The following RTF1 variants were observed in gnomAD, a reference collection of about 807,000 sequenced individuals.
The protein encoded by RTF1 is RNA polymerase-associated protein RTF1 homolog.
In RTF1, 10 loss-of-function variants were observed where a neutral mutation model predicts 95.7. That is an observed-to-expected ratio of 0.10 (90% confidence interval 0.06 to 0.18). The LOEUF (loss-of-function observed/expected upper bound fraction) is 0.18. Ranked by LOEUF, RTF1 falls within the 10% of genes least tolerant of loss-of-function variation. RTF1 has a pLI of 1.00. For synonymous variants in RTF1, 305 were observed against 311.8 expected (o/e 0.98, Z 0.23); for missense variants, 458 against 875.6 (o/e 0.52, Z 6.02).
At chr15:41,436,521 G>A (rs1018944035) in intron 1 of RTF1, among the ~76,000 whole-genome samples, 9 of 151,606 alleles carry the variant, frequency 5.9e-5, no homozygotes, top group African/African-American at 2.2e-4. Flanking sequence ...CCACTTGGGA[G>A]GTTGAGGCAG....
chr15:41,449,493 A>C (rs2050779995), intron 2 of RTF1, among the ~76,000 whole-genome samples: 1 of 151,990 alleles, frequency 6.6e-6, no homozygotes, highest in South Asian at 2.1e-4. Context: ...GCAGCAGGTG[A>C]TTTTTTAAAT....
chr15:41,449,533 G>A (rs951974108), intron 2 of RTF1, among the ~76,000 whole-genome samples: 2 of 151,984 alleles, frequency 1.3e-5, no homozygotes, highest in African/African-American at 4.8e-5. Context: ...AATAGAGGTG[G>A]GGTCTTGCTA....
chr15:41,433,015 GGCTGAGGTGGGCA>G (rs2050683292), intron 1 of RTF1, among the ~76,000 whole-genome samples: 1 of 152,106 alleles, frequency 6.6e-6, no homozygotes, highest in Admixed American at 6.6e-5. Context: ...CACTTTGGGA[GGCTGAGGTGGGCA>G]GATCATCAGG....
At chr15:41,460,185 C>T (rs966313447) in intron 4 of RTF1, among the ~76,000 whole-genome samples, 43 of 150,722 alleles carry the variant, frequency 2.9e-4, no homozygotes, top group African/African-American at 1.0e-3. Flanking sequence ...TGCAATGGCA[C>T]GATCTCGGCT....
intron 2 of RTF1, among the ~76,000 whole-genome samples, chr15:41,441,813 T>G (rs1332856223): frequency 6.6e-6 from 1 of 152,124 alleles, no homozygotes; most frequent in African/African-American, 2.4e-5. Context: ...CTCCAGGCCC[T>G]CAGGCTTATT....
chr15:41,462,634 T>C (rs1350705731), intron 4 of RTF1, among the ~76,000 whole-genome samples: 1 of 152,186 alleles, frequency 6.6e-6, no homozygotes, highest in East Asian at 1.9e-4. Flanking sequence ...TGTGCAATCA[T>C]CACCACAATT....
intron 2 of RTF1, among the ~76,000 whole-genome samples, chr15:41,441,290 A>G (rs2050734662): frequency 6.6e-6 from 1 of 151,926 alleles, no homozygotes; most frequent in Non-Finnish European, 1.5e-5. Flanking sequence ...CTATTCTTAT[A>G]GCTACTTTTA....
intron 1 of RTF1, among the ~76,000 whole-genome samples, chr15:41,422,475 A>G (rs1007205657): frequency 6.6e-6 from 1 of 152,152 alleles, no homozygotes; most frequent in Admixed American, 6.6e-5. Context: ...TCTGGGCTCT[A>G]TGTCATCTCC....
chr15:41,419,386 A>G (rs1369224695), intron 1 of RTF1, among the ~76,000 whole-genome samples: 1 of 152,222 alleles, frequency 6.6e-6, no homozygotes, highest in Admixed American at 6.5e-5. Flanking sequence ...GGAGGTTGAA[A>G]AAGTTAAATA....
Position 41,479,218 on chromosome 15 carries a change from G to A in RTF1, c.1914+20G>A, listed in dbSNP as rs1309943812. On this transcript the variant is annotated intron_variant, in intron 16 of 17. Transcript: ENST00000389629. ...AGCAAGGCAAGTGTGGTACCACCCT[G>A]TTGCCTGCTGAGTGAGGCTGCTGGC... is the stretch of plus-strand genomic sequence containing the variant. 1 of 1,537,150 alleles carries A rather than the reference G, an allele frequency of 6.5e-7. No individual in the cohort carries two copies. The highest frequency in any genetic ancestry group is 1.7e-5 in the Admixed American group (1 of 59,168).
rs143688263 is a variant in RTF1 at position 41,432,321 on chromosome 15, C to T, written c.199-6000C>T. ...CACGCCATTCTCCCACCTCAGCCTC[C>T]GGAGTACCTGGGACTACAGGCGCTC... On this transcript the variant is annotated intron_variant, in intron 1 of 17. Coordinates refer to ENST00000389629, the MANE Select transcript of RTF1 (RefSeq NM_015138.5). 4.2e-3 allele frequency among the ~76,000 whole-genome samples: 637 copies of T among 151,490 alleles called. 6 individuals carry two copies. Among genetic ancestry groups the T allele is most frequent in the African/African-American group, 0.014 (593 of 41,324 alleles).
chr15:41,465,547 A>C (rs528928602), intron 5 of RTF1, among the ~76,000 whole-genome samples: 1 of 152,192 alleles, frequency 6.6e-6, no homozygotes, highest in Non-Finnish European at 1.5e-5. Context: ...GGGCTGAGGC[A>C]CAAGAATTGC....
rs2050939308 is a variant in RTF1, at chr15:41,475,829, C to G, written c.1482+10C>G. 1 of 1,424,340 alleles carries G rather than the reference C, an allele frequency of 7.0e-7. No individual in the cohort carries two copies. The highest frequency in any genetic ancestry group is 1.4e-5 in the African/African-American group (1 of 69,696). The allele number at this position is 1,424,340 out of a possible 1,614,324, so 88.2% of individuals were successfully genotyped here. On this transcript the variant is annotated intron_variant, in intron 11 of 17. Coordinates refer to ENST00000389629, the MANE Select transcript of RTF1 (RefSeq NM_015138.5). ...TCAGGACATTGAAGAGGTAAGAAAACTGGTGCCCCAGAACCCGGAGGTTCA... is the reference window on the plus strand; with the variant it reads ...TCAGGACATTGAAGAGGTAAGAAAAGTGGTGCCCCAGAACCCGGAGGTTCA...
chr15:41,444,016 C>T (rs1044389965), intron 2 of RTF1, among the ~76,000 whole-genome samples: 17 of 150,172 alleles, frequency 1.1e-4, no homozygotes, highest in African/African-American at 3.4e-4. Flanking sequence ...TGCAGTGAGC[C>T]GAGATTGCAC....
intron 2 of RTF1, among the ~76,000 whole-genome samples, chr15:41,439,965 A>G (rs1258493355): frequency 6.6e-6 from 1 of 152,078 alleles, no homozygotes; most frequent in Admixed American, 6.6e-5. Context: ...CATTTGATTT[A>G]AAGTATTTTC....
At chr15:41,444,645 G>T (rs1007155128) in intron 2 of RTF1, among the ~76,000 whole-genome samples, 6 of 152,072 alleles carry the variant, frequency 3.9e-5, no homozygotes, top group Non-Finnish European at 8.8e-5. Flanking sequence ...CCATGATTAC[G>T]AATAACAGTT....
intron 2 of RTF1, 32 bp downstream of exon 2, chr15:41,438,463 A>G (rs767218603): frequency 8.4e-6 from 12 of 1,436,870 alleles, no homozygotes; most frequent in South Asian, 1.2e-5. Context: ...TTCTGGGACC[A>G]TTAGATAGTT....
chr15:41,477,131 C>T (rs2050945589), intron 12 of RTF1, 34 bp from the exon 13 acceptor site: 1 of 1,613,832 alleles, frequency 6.2e-7, no homozygotes, highest in Admixed American at 1.7e-5. Flanking sequence ...TTGTATGTAG[C>T]CAAGAACGAA....
At chr15:41,432,046 A>C (rs1450352939) in intron 1 of RTF1, among the ~76,000 whole-genome samples, 4 of 151,138 alleles carry the variant, frequency 2.6e-5, no homozygotes, top group African/African-American at 9.7e-5. Flanking sequence ...TGATCCGCCC[A>C]CCTCGGCCTT....
Sources: gnomAD v4.1 joint callset for allele counts (sites outside exome capture counted in the v4.1 genomes callset) on GRCh38, gnomAD v4.1.1 for gene constraint, MANE v1.5 for transcripts, NCBI Gene and HGNC (gene_info 2026-07-23, HGNC 2026-07-21) for gene names.